The following ZNF592 variants were observed in gnomAD, a reference collection of about 807,000 sequenced individuals.
The protein encoded by ZNF592 is spinocerebellar ataxia, autosomal recessive 5.
Under a neutral mutation model 80.3 loss-of-function variants are expected in ZNF592, and 11 were observed. The observed-to-expected ratio is 0.14, with a 90% CI of 0.09 to 0.23. ZNF592 has a LOEUF of 0.23. Among genes scored for constraint, ZNF592 ranks in the 10% least tolerant of loss-of-function variants. The pLI, the probability that ZNF592 is intolerant of heterozygous loss-of-function variation, is 1.00. For missense variants in ZNF592, 1,420 were observed against 1,633.9 expected, an observed-to-expected ratio of 0.87 and a Z score of 2.26; for synonymous variants, 646 against 640.3, an observed-to-expected ratio of 1.01 and a Z score of -0.13.
chr15:84,800,627 G>C (rs985129216), intron 10 of ZNF592, among the ~76,000 whole-genome samples: 2 of 152,222 alleles, frequency 1.3e-5, no homozygotes, highest in Non-Finnish European at 2.9e-5. Flanking sequence ...TAATCAGATG[G>C]TGTCAGTAGT....
chr15:84,753,264 G>C (rs1476097514), intron 1 of ZNF592: 2 of 152,218 alleles, frequency 1.3e-5, no homozygotes, highest in East Asian at 3.8e-4. Flanking sequence ...TAAATTTGTG[G>C]CTAGCAGTGG....
chr15:84,796,791 C>T (rs1004330572), intron 5 of ZNF592, among the ~76,000 whole-genome samples: 3 of 152,102 alleles, frequency 2.0e-5, no homozygotes, highest in African/African-American at 7.2e-5. Flanking sequence ...ATAGTTCCAC[C>T]AGGAAGACAT....
At chr15:84,757,517 TA>T (rs775261869) in intron 1 of ZNF592, among the ~76,000 whole-genome samples, 13 of 152,108 alleles carry the variant, frequency 8.5e-5, no homozygotes, top group Non-Finnish European at 1.5e-4. Flanking sequence ...TAATTAGTTT[TA>T]TTTTTTTATT....
rs1963128848 is a variant in ZNF592, at chr15:84,802,482, C to T, written c.*89C>T. 2 of 1,488,606 alleles carry T rather than the reference C, an allele frequency of 1.3e-6. No homozygotes were observed. The highest frequency in any genetic ancestry group is 2.4e-5 in the East Asian group (1 of 41,682). The allele number at this position is 1,488,606 out of a possible 1,614,324, so 92.2% of individuals were successfully genotyped here. ...ACCGTGGAAAATAAAAGGCTCTGCCCCCAGTGTGAGTGTGACCGGTTGTAC... is the reference window on the plus strand; with the variant it reads ...ACCGTGGAAAATAAAAGGCTCTGCCTCCAGTGTGAGTGTGACCGGTTGTAC... On this transcript the variant is annotated 3_prime_UTR_variant, in exon 11 of 11. Transcript: ENST00000560079.
intron 2 of ZNF592, among the ~76,000 whole-genome samples, chr15:84,766,322 AATC>A (rs1270952622): frequency 1.3e-5 from 2 of 152,172 alleles, no homozygotes; most frequent in African/African-American, 4.8e-5. Flanking sequence ...CCATTTGTCT[AATC>A]ATAGGAAGGC....
At chr15:84,769,493 G>A (rs989599187) in intron 2 of ZNF592, among the ~76,000 whole-genome samples, 4 of 151,400 alleles carry the variant, frequency 2.6e-5, no homozygotes, top group Admixed American at 2.0e-4. Context: ...TGAGCCCACC[G>A]AGATCTGGTG....
At position 84,776,047 on chromosome 15, in the gene ZNF592, C is replaced by G. The variant is rs77962756; in HGVS notation, c.-149-2136C>G. Among the ~76,000 whole-genome samples the G allele has an allele frequency of 9.0e-3, 1,367 of 152,350 alleles. 25 individuals are homozygous for G. Among genetic ancestry groups the G allele is most frequent in the African/African-American group, 0.031 (1,301 of 41,574 alleles). The stretch of plus-strand genomic sequence containing the variant: ...TTGTTACATAATTCCACTATCTCAC[C>G]TTTGAGTGAAATTTACTCTCAGCCT... On this transcript the variant is annotated intron_variant, in intron 2 of 10. Transcript: ENST00000560079.
In ZNF592 at chr15:84,783,697, A is replaced by G; in HGVS notation, c.1022A>G (p.Lys341Arg). The G allele has an allele frequency of 6.2e-7, 1 of 1,614,220 alleles. No individual in the cohort carries two copies. Residue 341 changes from lysine (K) to arginine (R), a missense_variant, in exon 4 of 11, where the codon AAA (lysine) becomes AGA (arginine). Transcript: ENST00000560079. This position sits in a 1 kb window ranked among gnomAD's most constrained non-coding sequence, Gnocchi z 5.0. Reference protein sequence around the residue: ...SPRSPLEATRKSIKPSDSPRS... With the variant: ...SPRSPLEATRRSIKPSDSPRS... Reference sequence around the variant, plus strand: ...CGGAGCCCTCTGGAGGCCACTAGAAAAAGTATCAAGCCATCGGACAGCCCT... The same window carrying G: ...CGGAGCCCTCTGGAGGCCACTAGAAGAAGTATCAAGCCATCGGACAGCCCT...
chr15:84,789,705 A>C (rs919091959), intron 4 of ZNF592, among the ~76,000 whole-genome samples: 2 of 152,118 alleles, frequency 1.3e-5, no homozygotes, highest in African/African-American at 4.8e-5. Context: ...GTATATTTAC[A>C]TATTCAGTCA....
At chr15:84,759,928 G>A (rs1225139142) in intron 1 of ZNF592, among the ~76,000 whole-genome samples, 7 of 146,662 alleles carry the variant, frequency 4.8e-5, no homozygotes, top group Non-Finnish European at 7.4e-5. Flanking sequence ...TGGAATTTGA[G>A]CCAAGTCTTT....
chr15:84,762,395 G>A (rs931690745), intron 1 of ZNF592, among the ~76,000 whole-genome samples: 12 of 152,294 alleles, frequency 7.9e-5, no homozygotes, highest in African/African-American at 2.9e-4. Flanking sequence ...AGGTCTGAAG[G>A]AAGTGAGAGA....
At position 84,783,976 on chromosome 15, in the gene ZNF592, A is replaced by T; in HGVS notation, c.1301A>T (p.Glu434Val). 1 of 1,612,418 alleles carries T rather than the reference A, an allele frequency of 6.2e-7. No homozygotes were observed. Among genetic ancestry groups the T allele is most frequent in the Non-Finnish European group, 8.5e-7 (1 of 1,178,638 alleles). ...DEVPVEEHFP[E>V]AGTNSGSPQG... is the part of the protein sequence containing the mutation. ...GTGCCTGTGGAAGAGCACTTTCCTG[A>T]GGCAGGCACAAATTCAGGGAGCCCC... The change falls in exon 4 of 11, where the codon GAG (glutamate) becomes GTG (valine). Residue 434 changes from glutamate to valine, a missense_variant. Physicochemically the swap from Glu to Val is moderately radical, Grantham distance 121 (BLOSUM62 -2). Transcript: ENST00000560079. This position sits in a 1 kb window ranked among gnomAD's most constrained non-coding sequence, Gnocchi z 5.0.
At chr15:84,748,796 C>G (rs909947233) in intron 1 of ZNF592, 132 bp downstream of exon 1, 8 of 147,258 alleles carry the variant, frequency 5.4e-5, no homozygotes, top group African/African-American at 1.7e-4. Flanking sequence ...CTGGCGGACC[C>G]TGGCCGCCGC....
chr15:84,760,671 G>A (rs1406632599), intron 1 of ZNF592, among the ~76,000 whole-genome samples: 1 of 152,144 alleles, frequency 6.6e-6, no homozygotes, highest in Admixed American at 6.5e-5. Context: ...GTAGCAAAGG[G>A]CAGTGTAGCT....
At chr15:84,776,307 A>C (rs1327846131) in intron 2 of ZNF592, among the ~76,000 whole-genome samples, 8 of 152,236 alleles carry the variant, frequency 5.3e-5, no homozygotes, top group African/African-American at 1.7e-4. Context: ...GCTCTTCTCA[A>C]CTTTGGCTTG....
At chr15:84,759,636 C>T (rs1899282820) in intron 1 of ZNF592, among the ~76,000 whole-genome samples, 1 of 152,094 alleles carries the variant, frequency 6.6e-6, no homozygotes, top group Non-Finnish European at 1.5e-5. Context: ...ACATCATCAC[C>T]AAACAGTAGG....
In ZNF592 at chr15:84,802,595, G is replaced by C; in HGVS notation, c.*202G>C. 1 of 629,858 alleles carries C rather than the reference G, an allele frequency of 1.6e-6. No homozygotes were observed. The highest frequency in any genetic ancestry group is 2.8e-6 in the Non-Finnish European group (1 of 361,868). 39.0% of individuals were successfully genotyped at this position (629,858 alleles called of 1,614,324 possible). A position where few individuals can be genotyped will look rare whatever the true frequency, so the allele number is the denominator to read the frequency against. The stretch of plus-strand genomic sequence containing the variant: ...GGTCGGCCAGGACCCTCACAGCTCT[G>C]AATTTGCTTCTGTTATTTATGGCTT... On this transcript the variant is annotated 3_prime_UTR_variant, in exon 11 of 11. Transcript: ENST00000560079.
rs376757146 is a variant in ZNF592, at chr15:84,797,728, T to G, written c.2400-141T>G. The G allele has an allele frequency of 3.4e-5, 33 of 960,258 alleles. No individual in the cohort carries two copies. In the African/African-American group the frequency reaches 4.7e-4, roughly 14 times the overall value. The allele number at this position is 960,258 out of a possible 1,614,324, so 59.5% of individuals were successfully genotyped here. Reference sequence around the variant, plus strand: ...ACCCTCAGGACGTACTTGTCAAGGGTGGAAGTCCAAGTGATTGAGGGAGGG... The same window carrying G: ...ACCCTCAGGACGTACTTGTCAAGGGGGGAAGTCCAAGTGATTGAGGGAGGG... On this transcript the variant is annotated intron_variant, in intron 5 of 10. Coordinates refer to ENST00000560079, the MANE Select transcript of ZNF592 (RefSeq NM_014630.3).
chr15:84,769,501 G>T (rs971345440), intron 2 of ZNF592, among the ~76,000 whole-genome samples: 5 of 151,382 alleles, frequency 3.3e-5, no homozygotes, highest in Admixed American at 2.6e-4. Context: ...CCGAGATCTG[G>T]TGGGAGAATG....
Sources: gnomAD v4.1 joint callset for allele counts (sites outside exome capture counted in the v4.1 genomes callset) on GRCh38, gnomAD v4.1.1 for gene constraint, Gnocchi (gnomAD v3.1) non-coding constraint, MANE v1.5 for transcripts, NCBI Gene and HGNC (gene_info 2026-07-23, HGNC 2026-07-21) for gene names.